ATP8A2: variants seen among roughly 807,000 people sequenced by gnomAD.
ATP8A2 encodes phospholipid-transporting ATPase IB.
Under a neutral mutation model 165.6 loss-of-function variants are expected in ATP8A2, and 100 were observed. That is an observed-to-expected ratio of 0.60 (90% confidence interval 0.51 to 0.71). The LOEUF (loss-of-function observed/expected upper bound fraction) is 0.71. Among genes scored for constraint, ATP8A2 ranks in the 30% least tolerant of loss-of-function variants. The pLI is 0.00. For missense variants in ATP8A2, 1,227 were observed against 1,479.5 expected (o/e 0.83, Z 2.80); for synonymous variants, 543 against 548.8 (o/e 0.99, Z 0.15).
chr13:25,634,912 A>G (rs1255790104), intron 24 of ATP8A2, among the ~76,000 whole-genome samples: 1 of 152,216 alleles, frequency 6.6e-6, no homozygotes, highest in Non-Finnish European at 1.5e-5. Context: ...AGAAACCGTA[A>G]GAACAATTAC....
Position 25,828,190 on chromosome 13 carries a change from G to A in ATP8A2, c.2752G>A (p.Val918Met). The change falls in exon 28 of 37, where the codon GTG becomes ATG. Residue 918 changes from valine to methionine, a missense_variant and splice_region_variant. Physicochemically the swap from Val to Met is conservative, Grantham distance 21 (BLOSUM62 1). Transcript: ENST00000381655. ...FERWCIGLYNVIFTALPPFTL... is the reference protein window; with the variant it reads ...FERWCIGLYNMIFTALPPFTL... Reference sequence around the variant, plus strand: ...ACGTTGGTGCATCGGCCTGTACAATGTGGTAAGCATTCTTCATCTCTATCT... The same window carrying A: ...ACGTTGGTGCATCGGCCTGTACAATATGGTAAGCATTCTTCATCTCTATCT... The A allele has an allele frequency of 1.2e-6, 2 of 1,612,952 alleles. No individual in the cohort carries two copies. The highest frequency in any genetic ancestry group is 1.7e-5 in the Admixed American group (1 of 60,024).
chr13:25,739,898 T>C (rs1034607847), intron 25 of ATP8A2, among the ~76,000 whole-genome samples: 1 of 152,072 alleles, frequency 6.6e-6, no homozygotes, highest in African/African-American at 2.4e-5. Context: ...AGAACCTAAG[T>C]GAACAGAAGA....
chr13:25,406,859 G>A (rs987880440), intron 1 of ATP8A2, among the ~76,000 whole-genome samples: 3 of 152,218 alleles, frequency 2.0e-5, no homozygotes, highest in Non-Finnish European at 2.9e-5. Context: ...CAGCTCAAGC[G>A]GTGGCTTTCA....
intron 33 of ATP8A2, among the ~76,000 whole-genome samples, chr13:25,932,281 A>T (rs1235380765): frequency 6.6e-6 from 1 of 152,206 alleles, no homozygotes; most frequent in Admixed American, 6.5e-5. Context: ...ACCTACCTCC[A>T]GTCTCTTGGG....
intron 33 of ATP8A2, among the ~76,000 whole-genome samples, chr13:25,933,840 A>G (rs111635418): frequency 1.3e-5 from 2 of 152,344 alleles, no homozygotes; most frequent in African/African-American, 4.8e-5. Context: ...TTGTCATTAC[A>G]TCATGAAACT....
intron 24 of ATP8A2, among the ~76,000 whole-genome samples, chr13:25,664,053 A>C (rs1593160659): frequency 6.6e-6 from 1 of 152,118 alleles, no homozygotes; most frequent in South Asian, 2.1e-4. Flanking sequence ...TACAAAAAAT[A>C]CAAAAATTAG....
At chr13:25,463,020 T>C (rs909994559) in intron 1 of ATP8A2, among the ~76,000 whole-genome samples, 1 of 151,554 alleles carries the variant, frequency 6.6e-6, no homozygotes, top group African/African-American at 2.4e-5. Flanking sequence ...GTGACTGGCG[T>C]TGGGAGGAAG....
rs533266058 is a variant in ATP8A2, at chr13:25,669,933, T to A, written c.2212-29240T>A. Among the ~76,000 whole-genome samples, 8 of 152,260 alleles carry A rather than the reference T, an allele frequency of 5.3e-5. No individual in the cohort carries two copies. The South Asian group carries it at 1.7e-3, about 32-fold the overall frequency. On this transcript the variant is annotated intron_variant, in intron 24 of 36. Coordinates refer to ENST00000381655, the MANE Select transcript of ATP8A2 (RefSeq NM_016529.6). The stretch of plus-strand genomic sequence containing the variant: ...ATACATACCTGCAGTATTTTAAGAA[T>A]AAGGTTTACTTTAGCTCCCTGATAC...
chr13:25,450,112 A>T (rs1486141792), intron 1 of ATP8A2, among the ~76,000 whole-genome samples: 5 of 152,202 alleles, frequency 3.3e-5, no homozygotes, highest in African/African-American at 9.7e-5. Context: ...TCTGCTAAGG[A>T]TAATGGCCTC....
chr13:25,585,240 C>A (rs977298231), intron 23 of ATP8A2, among the ~76,000 whole-genome samples: 8 of 152,186 alleles, frequency 5.3e-5, no homozygotes, highest in Non-Finnish European at 1.2e-4. Context: ...TGGCGATTTT[C>A]TCTTTTAGCT....
chr13:25,956,970 A>G (rs937419671), intron 33 of ATP8A2, among the ~76,000 whole-genome samples: 6 of 152,204 alleles, frequency 3.9e-5, no homozygotes, highest in Admixed American at 1.3e-4. Context: ...AATTCCACAC[A>G]TCTACAACTG....
intron 24 of ATP8A2, among the ~76,000 whole-genome samples, chr13:25,659,348 T>A (rs796564981): frequency 5.9e-5 from 9 of 152,164 alleles, no homozygotes; most frequent in African/African-American, 2.2e-4. Context: ...TGCGATCGAG[T>A]TTCATTTAAT....
chr13:25,581,489 A>T (rs1035000942), intron 22 of ATP8A2, among the ~76,000 whole-genome samples: 2 of 152,310 alleles, frequency 1.3e-5, no homozygotes, highest in Admixed American at 1.3e-4. Context: ...GCTACTCATT[A>T]GTGGACTGAG....
At chr13:25,968,922 A>G (rs1593644887) in intron 35 of ATP8A2, among the ~76,000 whole-genome samples, 2 of 127,440 alleles carry the variant, frequency 1.6e-5, no homozygotes, top group South Asian at 6.7e-4. Flanking sequence ...AAAACAACTC[A>G]TGTGCAGAAA....
chr13:25,852,487 A>G (rs1013180971), intron 30 of ATP8A2, among the ~76,000 whole-genome samples: 7 of 152,224 alleles, frequency 4.6e-5, no homozygotes, highest in African/African-American at 1.7e-4. Context: ...CTTATGTGGT[A>G]TAAAATTTCT....
chr13:25,735,564 T>G (rs2043749361), intron 25 of ATP8A2, among the ~76,000 whole-genome samples: 2 of 141,470 alleles, frequency 1.4e-5, no homozygotes, highest in Non-Finnish European at 3.1e-5. Context: ...CTGGCAAGGG[T>G]TGGAAGTTCT....
intron 35 of ATP8A2, among the ~76,000 whole-genome samples, chr13:25,990,783 C>A (rs1408248024): frequency 6.6e-6 from 1 of 152,158 alleles, no homozygotes; most frequent in Non-Finnish European, 1.5e-5. Flanking sequence ...TCCCAAATGC[C>A]CCTATTTGTA....
chr13:25,853,330 TG>T (rs1180066170), intron 30 of ATP8A2, among the ~76,000 whole-genome samples: 1 of 150,160 alleles, frequency 6.7e-6, no homozygotes, highest in African/African-American at 2.4e-5. Context: ...AGGTGGAGGC[TG>T]CAGTGAGCTG....
chr13:25,554,878 A>T, intron 12 of ATP8A2, 113 bp from the exon 13 acceptor site: 1 of 676,408 alleles, frequency 1.5e-6, no homozygotes, highest in Non-Finnish European at 2.4e-6. Flanking sequence ...CATTTCTATT[A>T]AAATAAAAGG....
Sources: allele counts gnomAD v4.1 joint callset (sites outside exome capture counted in the v4.1 genomes callset), GRCh38; gene constraint gnomAD v4.1.1; transcripts MANE v1.5; gene names NCBI Gene and HGNC (gene_info 2026-07-23, HGNC 2026-07-21).